The following MLXIP variants were observed in gnomAD, a reference collection of about 807,000 sequenced individuals.
The protein encoded by MLXIP is MLX-interacting protein.
A neutral mutation model predicts 87.2 loss-of-function variants in MLXIP; 30 were observed. The observed-to-expected ratio is 0.34, with a 90% CI of 0.26 to 0.47. MLXIP has a LOEUF of 0.47. Ranked by LOEUF, MLXIP falls within the 20% of genes least tolerant of loss-of-function variation. MLXIP has a pLI of 1.00. For missense variants in MLXIP, 1,002 were observed against 1,240.1 expected, an observed-to-expected ratio of 0.81 and a Z score of 2.88; for synonymous variants, 530 against 514.0, an observed-to-expected ratio of 1.03 and a Z score of -0.42.
intron 1 of MLXIP, among the ~76,000 whole-genome samples, chr12:122,097,315 G>C (rs935894972): frequency 6.6e-6 from 1 of 152,250 alleles, no homozygotes; most frequent in Middle Eastern, 3.4e-3. Flanking sequence ...ACTGCACCCA[G>C]CCTTAATTTT....
intron 1 of MLXIP, among the ~76,000 whole-genome samples, chr12:122,105,143 G>A (rs995117462): frequency 2.0e-5 from 3 of 152,182 alleles, no homozygotes; most frequent in African/African-American, 4.8e-5. Context: ...TGGGCCCACT[G>A]TTGGTGGTGC....
chr12:122,102,357 G>A (rs573339756), intron 1 of MLXIP, among the ~76,000 whole-genome samples: 11 of 152,088 alleles, frequency 7.2e-5, no homozygotes, highest in Non-Finnish European at 1.5e-4. Flanking sequence ...ACCATTAATC[G>A]TTAGGGAAAT....
Position 122,135,172 on chromosome 12 carries a change from GC to G in MLXIP, c.1733-50del. 1.9e-6 allele frequency: 3 copies of G among 1,599,826 alleles called. No homozygotes were observed. Among genetic ancestry groups the G allele is most frequent in the Non-Finnish European group, 2.6e-6 (3 of 1,173,924 alleles). On this transcript the variant is annotated intron_variant, in intron 9 of 16. Transcript: ENST00000319080. This position sits in a 1 kb window ranked among gnomAD's most constrained non-coding sequence, Gnocchi z 5.3. Reference sequence around the variant, plus strand: ...CAGAGAGGCAGCCTCTGCAGGGTGGGCCAGGCCCTGTGGCCCAGGGCTGCAC... The same window carrying G: ...CAGAGAGGCAGCCTCTGCAGGGTGGGCAGGCCCTGTGGCCCAGGGCTGCAC...
At chr12:122,084,144 T>TTGTGTGTGTGTGTGTG (rs746678463) in intron 1 of MLXIP, among the ~76,000 whole-genome samples, 24 of 138,244 alleles carry the variant, frequency 1.7e-4, no homozygotes, top group African/African-American at 6.3e-4. Flanking sequence ...CTCAGCCAGA[T>TTGTGTGTGTGTGTGTG]TGTGTGTGTG....
At chr12:122,082,017 T>G (rs1952098729) in intron 1 of MLXIP, among the ~76,000 whole-genome samples, 1 of 152,198 alleles carries the variant, frequency 6.6e-6, no homozygotes, top group South Asian at 2.1e-4. Context: ...AGGAACTAAG[T>G]GCAGGGGAAG....
chr12:122,101,584 C>CTTTTTTTTT (rs371090324), intron 1 of MLXIP, among the ~76,000 whole-genome samples: 1 of 119,020 alleles, frequency 8.4e-6, no homozygotes, highest in Admixed American at 9.8e-5. Context: ...CTTTTTTTTT[C>CTTTTTTTTT]TTTTTTTTTT....
At chr12:122,141,277 C>T (rs1355491518) in intron 16 of MLXIP, 194 bp downstream of exon 16, 3 of 361,240 alleles carry the variant, frequency 8.3e-6, no homozygotes, top group Non-Finnish European at 1.2e-5. Context: ...TTTTGTGTCT[C>T]CCAGCTTGTT....
At position 122,135,585 on chromosome 12, in the gene MLXIP, A is replaced by G. The variant is rs1165656239; in HGVS notation, c.1951A>G (p.Ser651Gly). 3.5e-5 allele frequency: 55 copies of G among 1,592,764 alleles called. No homozygotes were observed. Among genetic ancestry groups the G allele is most frequent in the Non-Finnish European group, 4.7e-5 (55 of 1,170,578 alleles). ...PPAPVSRLFP[S>G]TAQDPLGKGE... Reference sequence around the variant, plus strand: ...TGCCCCCGTCTCCCGGCTCTTCCCAAGCACAGCGCAAGACCCCCTGGGGAA... The same window carrying G: ...TGCCCCCGTCTCCCGGCTCTTCCCAGGCACAGCGCAAGACCCCCTGGGGAA... Residue 651 changes from serine (S) to glycine (G), a missense_variant, in exon 11 of 17, where the codon AGC becomes GGC. Physicochemically the swap from Ser to Gly is moderately conservative, Grantham distance 56 (BLOSUM62 0). This residue lies in a region of MLXIP where 746 missense variants were observed against 897.0 expected (regional missense o/e 0.83). Coordinates refer to ENST00000319080, the MANE Select transcript of MLXIP (RefSeq NM_014938.6). The surrounding 1 kb of genome is among the most constrained non-coding windows in gnomAD (Gnocchi z 5.3).
Position 122,079,163 on chromosome 12 carries a change from A to G in MLXIP, c.310A>G (p.Lys104Glu). 2.6e-6 allele frequency: 4 copies of G among 1,550,916 alleles called. No individual in the cohort carries two copies. The highest frequency in any genetic ancestry group is 3.5e-6 in the Non-Finnish European group (4 of 1,146,778). ...GGGCTACGATTTCGACACGGTCAAC[A>G]AACAGACGTGCCAGACCTACAGCTT... ...KKGYDFDTVN[K>E]QTCQTYSFGK... Residue 104 changes from lysine (K) to glutamate (E), a missense_variant, in exon 1 of 17, where the codon AAA (lysine) becomes GAA (glutamate). Physicochemically the swap from Lys to Glu is moderately conservative, Grantham distance 56. Around this residue, in one of 3 missense-constraint regions of MLXIP, gnomAD observed 127 missense variants for 239.0 expected, o/e 0.53. Transcript: ENST00000319080.
intron 1 of MLXIP, among the ~76,000 whole-genome samples, chr12:122,124,197 C>CCAGCCG (rs1952833917): frequency 5.5e-5 from 4 of 73,144 alleles, no homozygotes. Context: ...GTCCCCCGCC[C>CCAGCCG]TCAGCTGTCC....
intron 1 of MLXIP, among the ~76,000 whole-genome samples, chr12:122,125,246 C>T (rs1450088204): frequency 3.3e-5 from 5 of 151,794 alleles, no homozygotes; most frequent in Non-Finnish European, 5.9e-5. Context: ...GCGGCAGAAT[C>T]GCTTGAAGCC....
intron 1 of MLXIP, among the ~76,000 whole-genome samples, chr12:122,087,361 TAGAA>T (rs1199677023): frequency 2.0e-5 from 3 of 151,620 alleles, no homozygotes; most frequent in Non-Finnish European, 4.4e-5. Flanking sequence ...CAGGCAAGAA[TAGAA>T]AGAAGATGAA....
rs566797192 is a variant in MLXIP, at chr12:122,091,953, T to A, written c.413+12687T>A. On this transcript the variant is annotated intron_variant, in intron 1 of 16. Coordinates refer to ENST00000319080, the MANE Select transcript of MLXIP (RefSeq NM_014938.6). ...CTATTAGGTATTCTGGGGTTGTGAGTTTAATCTAGATTGAATCTGGTTTAG... is the reference window on the plus strand; with the variant it reads ...CTATTAGGTATTCTGGGGTTGTGAGATTAATCTAGATTGAATCTGGTTTAG... 2.6e-5 allele frequency among the ~76,000 whole-genome samples: 4 copies of A among 152,296 alleles called. No homozygotes were observed. The South Asian group carries it at 8.3e-4, about 32-fold the overall frequency.
chr12:122,120,512 C>T (rs1952761489), intron 1 of MLXIP, among the ~76,000 whole-genome samples: 1 of 152,224 alleles, frequency 6.6e-6, no homozygotes, highest in Admixed American at 6.5e-5. Context: ...AAGTGGGGAA[C>T]TAGGTAATGG....
At position 122,144,762 on chromosome 12, in the gene MLXIP, C is replaced by T. The variant is rs1007873659; in HGVS notation, c.*2950C>T. The stretch of plus-strand genomic sequence containing the variant: ...ATTAGCCACGTGTGGTGGTACACGC[C>T]TGTAATCCCAGCTACTCGGGAGGCT... On this transcript the variant is annotated 3_prime_UTR_variant, in exon 17 of 17. Transcript: ENST00000319080. 2 of 152,188 alleles carry T rather than the reference C, an allele frequency of 1.3e-5. No individual in the cohort carries two copies. Among genetic ancestry groups the T allele is most frequent in the African/African-American group, 4.8e-5 (2 of 41,388 alleles). 9.4% of individuals were successfully genotyped at this position (152,188 alleles called of 1,614,324 possible). A position where few individuals can be genotyped will look rare whatever the true frequency, so the allele number is the denominator to read the frequency against.
At chr12:122,091,864 A>G (rs775078552) in intron 1 of MLXIP, among the ~76,000 whole-genome samples, 4 of 152,164 alleles carry the variant, frequency 2.6e-5, no homozygotes, top group Non-Finnish European at 5.9e-5. Context: ...ATGTGAGCCT[A>G]GTGTTATGAG....
At chr12:122,118,835 A>C in intron 1 of MLXIP, among the ~76,000 whole-genome samples, 1 of 131,036 alleles carries the variant, frequency 7.6e-6, no homozygotes, top group Non-Finnish European at 1.6e-5. Flanking sequence ...ACAGAGTGAG[A>C]CTCCCATCTC....
At chr12:122,099,717 C>T (rs1952408639) in intron 1 of MLXIP, among the ~76,000 whole-genome samples, 2 of 152,236 alleles carry the variant, frequency 1.3e-5, no homozygotes, top group East Asian at 3.8e-4. Flanking sequence ...GTTGCATTGT[C>T]CTACCTCTGC....
Position 122,138,795 on chromosome 12 carries a change from C to T in MLXIP, c.2385-20C>T. On this transcript the variant is annotated intron_variant, in intron 14 of 16. Transcript: ENST00000319080. ...TGGCCACTGGCTGCTCCACAGCTCC[C>T]ACGGCTCCTGTCATTTCAGCTCCTG... is the stretch of plus-strand genomic sequence containing the variant. 2 of 1,611,290 alleles carry T rather than the reference C, an allele frequency of 1.2e-6. No individual in the cohort carries two copies. The highest frequency in any genetic ancestry group is 1.3e-5 in the African/African-American group (1 of 75,008).
Sources: gnomAD v4.1 joint callset for allele counts (sites outside exome capture counted in the v4.1 genomes callset) on GRCh38, gnomAD v4.1.1 for gene constraint, gnomAD v4.1.1 regional missense constraint, Gnocchi (gnomAD v3.1) non-coding constraint, MANE v1.5 for transcripts, NCBI Gene and HGNC (gene_info 2026-07-23, HGNC 2026-07-21) for gene names.